Variants in ROGDI observed in about 807,000 individuals in gnomAD.
ROGDI encodes rogdi atypical leucine zipper, also known as protein rogdi homolog.
Under a neutral mutation model 43.1 loss-of-function variants are expected in ROGDI, and 46 were observed. The observed-to-expected ratio is 1.07, with a 90% CI of 0.84 to 1.37. ROGDI has a LOEUF of 1.37. ROGDI is among the 40% of genes most tolerant of loss of function. The pLI is 0.00. For synonymous variants in ROGDI, 243 were observed against 162.0 expected (o/e 1.50, Z -3.80); for missense variants, 518 against 383.9 (o/e 1.35, Z -2.92).
chr16:4,800,319 T>G (rs2082699791), intron 5 of ROGDI, among the ~76,000 whole-genome samples, 179 bp downstream of exon 5: 1 of 152,166 alleles, frequency 6.6e-6, no homozygotes, highest in Admixed American at 6.5e-5. Context: ...CCTCCCCACA[T>G]GGCGCAGCCT....
At position 4,797,451 on chromosome 16, in the gene ROGDI, G is replaced by A. The variant is rs1441485886; in HGVS notation, c.*9C>T. 1.9e-6 allele frequency: 3 copies of A among 1,612,656 alleles called. No homozygotes were observed. Among genetic ancestry groups the A allele is most frequent in the East Asian group, 4.5e-5 (2 of 44,874 alleles). ...CGCCTTCCTGGAGACAAGCTCCTGGGTGCTGTGATCAGAAGGGTCTGTAGC... is the reference window on the plus strand; with the variant it reads ...CGCCTTCCTGGAGACAAGCTCCTGGATGCTGTGATCAGAAGGGTCTGTAGC... On this transcript the variant is annotated 3_prime_UTR_variant, in exon 11 of 11. Coordinates refer to ENST00000322048, the MANE Select transcript of ROGDI (RefSeq NM_024589.3).
rs200727029 is a variant in ROGDI, at chr16:4,798,599, G to A, written c.501C>T (p.Thr167=). The part of the protein sequence containing the change: ...RNRLTTPATL[T]LPEIAASGLT... ...GGCCGCTGGCGGCGATCTCGGGGAG[G>A]GTGAGGGTGGCGGGGGTGGTGAGCC... is the stretch of plus-strand genomic sequence containing the variant. Residue 167 remains threonine (T), a synonymous_variant, in exon 7 of 11, where the codon ACC becomes ACT. Coordinates refer to ENST00000322048, the MANE Select transcript of ROGDI (RefSeq NM_024589.3). 10 of 1,573,564 alleles carry A rather than the reference G, an allele frequency of 6.4e-6. No homozygotes were observed. In the African/African-American group the frequency reaches 1.1e-4, roughly 17 times the overall value.
chr16:4,799,091 G>C (rs1289630521), intron 6 of ROGDI, among the ~76,000 whole-genome samples: 1 of 152,090 alleles, frequency 6.6e-6, no homozygotes, highest in Non-Finnish European at 1.5e-5. Context: ...ATGGATGGTG[G>C]GACCACCTGG....
chr16:4,798,079 A>C lies in ROGDI; in HGVS notation c.637T>G (p.Ser213Ala). Reference protein sequence around the residue: ...VYQLHALQPNSTKNFRPAGGA... With the variant: ...VYQLHALQPNATKNFRPAGGA... ...CAGGGGTCCCTCCTCACCTTGGTGG[A>C]GTTGGGCTGCAGGGCATGCAGCTGG... The change falls in exon 8 of 11, where the codon TCC becomes GCC. Residue 213 changes from serine (S) to alanine (A), a missense_variant. By Grantham distance (99) the Ser-to-Ala change is moderately conservative (BLOSUM62 1). Coordinates refer to ENST00000322048, the MANE Select transcript of ROGDI (RefSeq NM_024589.3). 3.1e-6 allele frequency: 5 copies of C among 1,613,804 alleles called. No homozygotes were observed. The highest frequency in any genetic ancestry group is 4.2e-6 in the Non-Finnish European group (5 of 1,179,868).
At chr16:4,797,904 G>A (rs2082672351) in intron 9 of ROGDI, 34 bp downstream of exon 9, 1 of 1,601,470 alleles carries the variant, frequency 6.2e-7, no homozygotes, top group Non-Finnish European at 8.5e-7. Context: ...GGATGGGGTG[G>A]GCGTGCCTGG....
Position 4,798,553 on chromosome 16 carries a change from T to G in ROGDI, c.531+16A>C. The G allele has an allele frequency of 1.3e-6, 2 of 1,529,792 alleles. No homozygotes were observed. Among genetic ancestry groups the G allele is most frequent in the Non-Finnish European group, 1.8e-6 (2 of 1,140,960 alleles). 94.8% of individuals were successfully genotyped at this position (1,529,792 alleles called of 1,614,324 possible). On this transcript the variant is annotated intron_variant, in intron 7 of 10. Transcript: ENST00000322048. Reference sequence around the variant, plus strand: ...GGGACCCCTCTCCTGCAGCAGGGGCTGGCAGGGGCACTGACCGTGAGGCCG... The same window carrying G: ...GGGACCCCTCTCCTGCAGCAGGGGCGGGCAGGGGCACTGACCGTGAGGCCG...
chr16:4,798,487 C>G (rs2082681270), intron 7 of ROGDI, 82 bp downstream of exon 7: 1 of 1,081,144 alleles, frequency 9.2e-7, no homozygotes, highest in Non-Finnish European at 1.3e-6. Context: ...GGGAGTGGCA[C>G]CCCTCCGCGT....
intron 2 of ROGDI, 115 bp from the exon 3 acceptor site, chr16:4,801,700 G>A: frequency 1.0e-6 from 1 of 987,306 alleles, no homozygotes; most frequent in East Asian, 2.6e-5. Flanking sequence ...AACGTGGCCT[G>A]GCCTCACCTG....
At chr16:4,799,659 C>T (rs776905330) in intron 6 of ROGDI, 27 bp downstream of exon 6, 7 of 1,570,764 alleles carry the variant, frequency 4.5e-6, no homozygotes, top group Middle Eastern at 1.7e-4. Context: ...GGACTAGGCC[C>T]AGGAGTCAGG....
At chr16:4,799,027 G>C (rs1297825409) in intron 6 of ROGDI, among the ~76,000 whole-genome samples, 1 of 152,100 alleles carries the variant, frequency 6.6e-6, no homozygotes, top group East Asian at 1.9e-4. Context: ...TCCTGGAAGA[G>C]GCGATGGATG....
chr16:4,800,786 A>T, intron 4 of ROGDI: 2 of 586,124 alleles, frequency 3.4e-6, no homozygotes, highest in Admixed American at 3.1e-5. Flanking sequence ...GAAGAGCCAC[A>T]AAGAAGTGAA....
In ROGDI at chr16:4,801,486, GCC is replaced by G; in HGVS notation, c.200+15_200+16del. ...CAAGGTACCCATTTCCCCGGTTTCC[GCC>G]TAGCCCAGGCTCACCCACAGCTGCC... On this transcript the variant is annotated intron_variant, in intron 3 of 10. Coordinates refer to ENST00000322048, the MANE Select transcript of ROGDI (RefSeq NM_024589.3). 1.9e-6 allele frequency: 3 copies of G among 1,595,444 alleles called. No homozygotes were observed. Among genetic ancestry groups the G allele is most frequent in the Non-Finnish European group, 2.6e-6 (3 of 1,170,550 alleles).
chr16:4,798,315 G>A, intron 7 of ROGDI, 131 bp from the exon 8 acceptor site: 1 of 828,208 alleles, frequency 1.2e-6, no homozygotes, highest in Non-Finnish European at 2.0e-6. Context: ...TCTCATCAAT[G>A]GGGGCTTCCA....
chr16:4,802,344 G>T (rs2082741308), intron 2 of ROGDI, 38 bp downstream of exon 2: 3 of 1,518,786 alleles, frequency 2.0e-6, no homozygotes, highest in East Asian at 2.4e-5. Flanking sequence ...GAGGAGGGAG[G>T]GCCGCCACGC....
chr16:4,800,875 G>A, intron 4 of ROGDI: 1 of 532,116 alleles, frequency 1.9e-6, no homozygotes, highest in Non-Finnish European at 3.3e-6. Context: ...GGTGCATCTA[G>A]TGTCTACAAA....
rs1476689822 is a variant in ROGDI, at chr16:4,797,373, C to G, written c.*87G>C. 8.1e-7 allele frequency: 1 copy of G among 1,237,432 alleles called. No homozygotes were observed. Among genetic ancestry groups the G allele is most frequent in the Non-Finnish European group, 1.2e-6 (1 of 867,426 alleles). 76.7% of individuals were successfully genotyped at this position (1,237,432 alleles called of 1,614,324 possible). On this transcript the variant is annotated 3_prime_UTR_variant, in exon 11 of 11. Transcript: ENST00000322048. ...GTGGGATAGGGAGATAAATAGCAGC[C>G]TGGCGTTGGCACTGGCTGGTGCTCT...
chr16:4,797,841 C>T lies in ROGDI; in HGVS notation c.696-1G>A. The T allele has an allele frequency of 6.2e-7, 1 of 1,611,206 alleles. No homozygotes were observed. Among genetic ancestry groups the T allele is most frequent in the Non-Finnish European group, 8.5e-7 (1 of 1,179,806 alleles). ...CTCCAGGCGCTGAGAGCCCCACTCG[C>T]TGTGGGCAGTGAGAGGGTCCCTGAG... On this transcript the variant is annotated splice_acceptor_variant, in intron 9 of 10. Coordinates refer to ENST00000322048, the MANE Select transcript of ROGDI (RefSeq NM_024589.3). LOFTEE classifies it high-confidence loss of function.
chr16:4,798,527 T>G, intron 7 of ROGDI, 42 bp downstream of exon 7: 1 of 1,457,244 alleles, frequency 6.9e-7, no homozygotes, highest in Non-Finnish European at 9.2e-7. Context: ...GGACCCACTG[T>G]GGGACCCCTC....
In ROGDI at chr16:4,801,311, C is replaced by A. The variant is rs751253265; in HGVS notation, c.211G>T (p.Val71Leu). The A allele has an allele frequency of 6.2e-7, 1 of 1,608,996 alleles. No individual in the cohort carries two copies. Among genetic ancestry groups the A allele is most frequent in the African/African-American group, 1.3e-5 (1 of 74,852 alleles). The part of the protein sequence containing the change: ...FILGSCGTDQ[V>L]KGVLTLQGDA... ...CCCTGCAGAGTCAGCACACCCTTCA[C>A]CTGGTCTGTGCTGTAACATGTGGCG... is the stretch of plus-strand genomic sequence containing the variant. Residue 71 changes from valine to leucine, a missense_variant, in exon 4 of 11, where the codon GTG (valine) becomes TTG (leucine). Physicochemically the swap from Val to Leu is conservative, Grantham distance 32. Coordinates refer to ENST00000322048, the MANE Select transcript of ROGDI (RefSeq NM_024589.3).
Sources: allele counts gnomAD v4.1 joint callset (sites outside exome capture counted in the v4.1 genomes callset), GRCh38; gene constraint gnomAD v4.1.1; transcripts MANE v1.5; gene names NCBI Gene and HGNC (gene_info 2026-07-23, HGNC 2026-07-21).